Variants in TBL1XR1 observed in about 807,000 individuals in gnomAD.
The protein encoded by TBL1XR1 is TBL1X/Y related 1, also known as F-box-like/WD repeat-containing protein TBL1XR1.
TBL1XR1 carries 5 observed loss-of-function variants against 66.9 expected under a neutral mutation model. The ratio of observed to expected loss-of-function variants is 0.07; its 90% CI spans 0.04 to 0.16. The LOEUF is 0.16. TBL1XR1 is among the 10% of genes least tolerant of loss of function. TBL1XR1 has a pLI of 1.00. For synonymous variants in TBL1XR1, 210 were observed against 206.0 expected, an observed-to-expected ratio of 1.02 and a Z score of -0.17; for missense variants, 238 against 623.2, an observed-to-expected ratio of 0.38 and a Z score of 6.58.
intron 2 of TBL1XR1, among the ~76,000 whole-genome samples, chr3:177,086,692 A>C (rs1357765277): frequency 6.6e-6 from 1 of 152,058 alleles, no homozygotes; most frequent in Non-Finnish European, 1.5e-5. Flanking sequence ...AACAATATTT[A>C]AGTAAGATAA....
intron 7 of TBL1XR1, among the ~76,000 whole-genome samples, 167 bp downstream of exon 7, chr3:177,049,830 T>C (rs1716808256): frequency 6.6e-6 from 1 of 152,170 alleles, no homozygotes; most frequent in South Asian, 2.1e-4. Flanking sequence ...GGCAAGTCTG[T>C]GTCCCACAGT....
intron 1 of TBL1XR1, among the ~76,000 whole-genome samples, chr3:177,124,167 T>C (rs1196972357): frequency 7.1e-6 from 1 of 140,930 alleles, no homozygotes; most frequent in Non-Finnish European, 1.6e-5. Flanking sequence ...GGAGTATTTC[T>C]ATCATTTAAT....
At chr3:177,057,888 C>G (rs987334851) in intron 3 of TBL1XR1, among the ~76,000 whole-genome samples, 1 of 152,104 alleles carries the variant, frequency 6.6e-6, no homozygotes, top group Non-Finnish European at 1.5e-5. Flanking sequence ...CATTCAGTGA[C>G]AGAGACGAGC....
intron 1 of TBL1XR1, among the ~76,000 whole-genome samples, chr3:177,133,673 A>G (rs1397948503): frequency 2.0e-5 from 3 of 152,034 alleles, no homozygotes; most frequent in Non-Finnish European, 4.4e-5. Flanking sequence ...AGGCGGAGGC[A>G]GATGGATCAT....
rs960496925 is a variant in TBL1XR1 at position 177,193,517 on chromosome 3, G to A, written c.-122+3604C>T. Reference sequence around the variant, plus strand: ...GTAGAGACGGGGATTCACCATGCTGGCCAAGATGGTCTCAATCTCTTGACC... The same window carrying A: ...GTAGAGACGGGGATTCACCATGCTGACCAAGATGGTCTCAATCTCTTGACC... On this transcript the variant is annotated intron_variant, in intron 1 of 15. Transcript: ENST00000457928. Among the ~76,000 whole-genome samples, 6 of 152,226 alleles carry A rather than the reference G, an allele frequency of 3.9e-5. 1 individual carries two copies. The South Asian group carries it at 1.0e-3, about 26-fold the overall frequency.
chr3:177,170,721 C>T (rs1733360715), intron 1 of TBL1XR1, among the ~76,000 whole-genome samples: 1 of 152,280 alleles, frequency 6.6e-6, no homozygotes, highest in Non-Finnish European at 1.5e-5. Flanking sequence ...CTTCCTGCCT[C>T]TGCCCACCAA....
chr3:177,079,213 C>T (rs1335279015), intron 2 of TBL1XR1, among the ~76,000 whole-genome samples: 2 of 151,798 alleles, frequency 1.3e-5, no homozygotes, highest in South Asian at 2.1e-4. Context: ...GGGTGGATCC[C>T]GAGGTCAGGA....
intron 2 of TBL1XR1, among the ~76,000 whole-genome samples, chr3:177,086,416 G>A (rs960703882): frequency 1.3e-5 from 2 of 151,810 alleles, no homozygotes; most frequent in East Asian, 3.9e-4. Flanking sequence ...GACATGAAAC[G>A]GTGGGGGAGG....
intron 2 of TBL1XR1, among the ~76,000 whole-genome samples, chr3:177,084,901 T>C (rs1721930565): frequency 6.6e-6 from 1 of 152,208 alleles, no homozygotes; most frequent in African/African-American, 2.4e-5. Flanking sequence ...TAGTTACTAT[T>C]TGTGGGAGGA....
intron 1 of TBL1XR1, among the ~76,000 whole-genome samples, chr3:177,138,299 A>G (rs1022010086): frequency 3.9e-5 from 6 of 152,308 alleles, no homozygotes; most frequent in Admixed American, 3.9e-4. Context: ...GAATCTCTAT[A>G]AAAGGTGGGC....
intron 1 of TBL1XR1, among the ~76,000 whole-genome samples, chr3:177,129,707 A>G (rs1326932990): frequency 6.6e-6 from 1 of 152,232 alleles, no homozygotes; most frequent in Non-Finnish European, 1.5e-5. Context: ...TCTTAAAAAA[A>G]AAGTACAAGA....
intron 1 of TBL1XR1, among the ~76,000 whole-genome samples, chr3:177,118,863 A>G (rs1201162558): frequency 6.6e-6 from 1 of 152,250 alleles, no homozygotes; most frequent in African/African-American, 2.4e-5. Context: ...CCATTCAGGC[A>G]TATTGCCTGC....
intron 3 of TBL1XR1, among the ~76,000 whole-genome samples, chr3:177,057,596 G>A (rs1560125571): frequency 6.6e-6 from 1 of 152,184 alleles, no homozygotes; most frequent in Non-Finnish European, 1.5e-5. Context: ...TTTTGTGCCA[G>A]AAGCTATTTC....
At chr3:177,055,399 C>A (rs1214231825) in intron 3 of TBL1XR1, among the ~76,000 whole-genome samples, 1 of 152,116 alleles carries the variant, frequency 6.6e-6, no homozygotes, top group Non-Finnish European at 1.5e-5. Context: ...ACATCTAACC[C>A]ACAGTGGAAA....
chr3:177,176,402 G>A (rs1010635510), intron 1 of TBL1XR1, among the ~76,000 whole-genome samples: 7 of 151,422 alleles, frequency 4.6e-5, no homozygotes, highest in Non-Finnish European at 1.0e-4. Flanking sequence ...TCACCATGTT[G>A]GCCAGGCTGG....
At chr3:177,097,951 A>G (rs1470560295) in intron 2 of TBL1XR1, among the ~76,000 whole-genome samples, 1 of 152,244 alleles carries the variant, frequency 6.6e-6, no homozygotes, top group South Asian at 2.1e-4. Flanking sequence ...TCACACCTGT[A>G]ATCCCAGCAC....
At chr3:177,102,001 A>G (rs2108681011) in intron 1 of TBL1XR1, among the ~76,000 whole-genome samples, 1 of 133,566 alleles carries the variant, frequency 7.5e-6, no homozygotes, top group Middle Eastern at 3.8e-3. Flanking sequence ...AAATGAACAT[A>G]GAAACTAATA....
intron 1 of TBL1XR1, among the ~76,000 whole-genome samples, chr3:177,113,948 AAATTT>A (rs1172306438): frequency 2.0e-5 from 3 of 152,184 alleles, no homozygotes; most frequent in Non-Finnish European, 4.4e-5. Context: ...TTCTAAAAAA[AAATTT>A]AAAACAGAAA....
At chr3:177,161,255 C>T (rs1260373760) in intron 1 of TBL1XR1, among the ~76,000 whole-genome samples, 1 of 152,178 alleles carries the variant, frequency 6.6e-6, no homozygotes, top group Non-Finnish European at 1.5e-5. Context: ...TGACTCCTTG[C>T]TTTCCCATGT....
Sources: gnomAD v4.1 joint callset for allele counts (sites outside exome capture counted in the v4.1 genomes callset) on GRCh38, gnomAD v4.1.1 for gene constraint, MANE v1.5 for transcripts, NCBI Gene and HGNC (gene_info 2026-07-23, HGNC 2026-07-21) for gene names.